The following ADAMTS12 variants were observed in gnomAD, a reference collection of about 807,000 sequenced individuals.
ADAMTS12 encodes the protein ADAM metallopeptidase with thrombospondin type 1 motif 12, also known as A disintegrin and metalloproteinase with thrombospondin motifs 12.
In ADAMTS12, 118 loss-of-function variants were observed where a neutral mutation model predicts 167.8. That is an observed-to-expected ratio of 0.70 (90% CI 0.61 to 0.82). The LOEUF (loss-of-function observed/expected upper bound fraction) is 0.82. Ranked by LOEUF, ADAMTS12 falls within the 40% of genes least tolerant of loss-of-function variation. ADAMTS12 has a pLI of 0.00. For missense variants in ADAMTS12, 1,916 were observed against 1,998.8 expected, an observed-to-expected ratio of 0.96 and a Z score of 0.79; for synonymous variants, 704 against 716.9, an observed-to-expected ratio of 0.98 and a Z score of 0.29.
At chr5:33,627,892 G>C (rs1156411125) in intron 13 of ADAMTS12, among the ~76,000 whole-genome samples, 1 of 152,162 alleles carries the variant, frequency 6.6e-6, no homozygotes, top group Non-Finnish European at 1.5e-5. Context: ...GGGACAGTGG[G>C]AAGATTGTCA....
chr5:33,843,372 C>G (rs950012099), intron 2 of ADAMTS12, among the ~76,000 whole-genome samples: 1 of 152,120 alleles, frequency 6.6e-6, no homozygotes. Context: ...ATCAATGCCC[C>G]GTGGCTTGAC....
chr5:33,883,756 C>CA (rs1750539839), intron 1 of ADAMTS12, among the ~76,000 whole-genome samples: 1 of 151,982 alleles, frequency 6.6e-6, no homozygotes, highest in Non-Finnish European at 1.5e-5. Flanking sequence ...ATATATATAA[C>CA]AAAAAAAGCT....
At chr5:33,686,934 T>TAGAG (rs35347821) in intron 3 of ADAMTS12, among the ~76,000 whole-genome samples, 12,287 of 138,162 alleles carry the variant, frequency 0.089, 606 homozygotes, top group South Asian at 0.25. Context: ...TATATATATA[T>TAGAG]ATAGAGAGAG....
chr5:33,711,671 C>T (rs914661255), intron 3 of ADAMTS12, among the ~76,000 whole-genome samples: 1 of 152,126 alleles, frequency 6.6e-6, no homozygotes, highest in Non-Finnish European at 1.5e-5. Flanking sequence ...TGAGTATGAT[C>T]ATTGCTTCCC....
intron 2 of ADAMTS12, among the ~76,000 whole-genome samples, chr5:33,843,201 G>A (rs867975541): frequency 3.3e-5 from 5 of 152,342 alleles, no homozygotes; most frequent in Middle Eastern, 6.8e-3. Context: ...CCTGAGCAGA[G>A]TGAAGACATC....
At chr5:33,666,613 C>A (rs996308606) in intron 5 of ADAMTS12, among the ~76,000 whole-genome samples, 3 of 152,170 alleles carry the variant, frequency 2.0e-5, no homozygotes, top group Non-Finnish European at 4.4e-5. Context: ...CTGCCTCAGC[C>A]TCCCTAGTAG....
intron 12 of ADAMTS12, among the ~76,000 whole-genome samples, chr5:33,636,468 A>C (rs1453572569): frequency 6.6e-6 from 1 of 152,182 alleles, no homozygotes; most frequent in Non-Finnish European, 1.5e-5. Context: ...TTTCCCCTCT[A>C]GATCATAAAT....
chr5:33,659,968 G>C (rs1741196854), intron 6 of ADAMTS12, among the ~76,000 whole-genome samples: 1 of 152,190 alleles, frequency 6.6e-6, no homozygotes, highest in Non-Finnish European at 1.5e-5. Context: ...GACAGTTTCA[G>C]CTGTCAGAGC....
chr5:33,883,328 T>TTTTTTTTTTTTG (rs1750521640), intron 1 of ADAMTS12, among the ~76,000 whole-genome samples: 1 of 51,022 alleles, frequency 2.0e-5, no homozygotes, highest in African/African-American at 7.0e-5. Context: ...TTTTTTTTTG[T>TTTTTTTTTTTTG]TTTTTTTTTT....
intron 2 of ADAMTS12, among the ~76,000 whole-genome samples, chr5:33,855,216 G>A (rs936628298): frequency 6.6e-6 from 1 of 152,234 alleles, no homozygotes; most frequent in Non-Finnish European, 1.5e-5. Context: ...ACTTAAAAGA[G>A]TAACGTGGTA....
chr5:33,669,760 G>GC (rs1273995614), intron 5 of ADAMTS12, among the ~76,000 whole-genome samples: 5 of 151,558 alleles, frequency 3.3e-5, no homozygotes, highest in Non-Finnish European at 7.4e-5. Context: ...TAGTGCTGGA[G>GC]CAACTAGATA....
chr5:33,744,010 T>C (rs1020935684), intron 3 of ADAMTS12, among the ~76,000 whole-genome samples: 1 of 152,130 alleles, frequency 6.6e-6, no homozygotes, highest in Non-Finnish European at 1.5e-5. Context: ...ATAGGTAAAA[T>C]AGAAGTATCT....
chr5:33,708,703 A>G (rs1743282989), intron 3 of ADAMTS12, among the ~76,000 whole-genome samples: 1 of 152,184 alleles, frequency 6.6e-6, no homozygotes, highest in Non-Finnish European at 1.5e-5. Context: ...GGAACAGAAA[A>G]TCAAACACCA....
At chr5:33,866,944 A>T (rs552495693) in intron 2 of ADAMTS12, among the ~76,000 whole-genome samples, 19 of 152,236 alleles carry the variant, frequency 1.2e-4, no homozygotes, top group Non-Finnish European at 7.4e-5. Flanking sequence ...AAAAAAATAA[A>T]TAAATAAATG....
At chr5:33,705,016 A>G (rs1311038461) in intron 3 of ADAMTS12, among the ~76,000 whole-genome samples, 2 of 151,512 alleles carry the variant, frequency 1.3e-5, no homozygotes, top group East Asian at 3.9e-4. Flanking sequence ...GTTCAATTTT[A>G]TGCTTTTGCA....
chr5:33,831,443 G>A (rs1748296059), intron 2 of ADAMTS12, among the ~76,000 whole-genome samples: 1 of 152,216 alleles, frequency 6.6e-6, no homozygotes, highest in Non-Finnish European at 1.5e-5. Context: ...ATGATCTTAA[G>A]TGTTGCTATC....
chr5:33,667,348 G>A (rs1484690478), intron 5 of ADAMTS12, among the ~76,000 whole-genome samples: 5 of 146,952 alleles, frequency 3.4e-5, no homozygotes, highest in East Asian at 2.0e-4. Flanking sequence ...AAGATTTCTC[G>A]CTTACAGAGA....
chr5:33,881,021 C>T, intron 2 of ADAMTS12, 98 bp downstream of exon 2: 3 of 1,515,812 alleles, frequency 2.0e-6, no homozygotes, highest in Non-Finnish European at 1.8e-6. Context: ...GTTCAACTCC[C>T]ATATGTCAGT....
chr5:33,845,779 T>C (rs1748919968), intron 2 of ADAMTS12, among the ~76,000 whole-genome samples: 1 of 152,206 alleles, frequency 6.6e-6, no homozygotes. Context: ...AGAAAATACA[T>C]GGTCACTTCC....
Sources: gnomAD v4.1 joint callset for allele counts (sites outside exome capture counted in the v4.1 genomes callset) on GRCh38, gnomAD v4.1.1 for gene constraint, MANE v1.5 for transcripts, NCBI Gene and HGNC (gene_info 2026-07-23, HGNC 2026-07-21) for gene names.